ROBO1: variants seen among roughly 807,000 people sequenced by gnomAD.
The protein encoded by ROBO1 is roundabout homolog 1.
Under a neutral mutation model 195.9 loss-of-function variants are expected in ROBO1, and 149 were observed. That is an observed-to-expected ratio of 0.76 (90% CI 0.67 to 0.87). The LOEUF (loss-of-function observed/expected upper bound fraction) is 0.87. Ranked by LOEUF, ROBO1 falls within the 40% of genes least tolerant of loss-of-function variation. The probability of loss-of-function intolerance (pLI) is 0.00; values close to 1 mark genes in which losing one functional copy is unlikely to be tolerated. For missense variants in ROBO1, 1,933 were observed against 2,068.3 expected (o/e 0.93, Z 1.27); for synonymous variants, 816 against 733.2 (o/e 1.11, Z -1.82).
At chr3:78,916,145 G>T (rs2038558602) in intron 4 of ROBO1, among the ~76,000 whole-genome samples, 1 of 151,458 alleles carries the variant, frequency 6.6e-6, no homozygotes, top group Non-Finnish European at 1.5e-5. Context: ...AGCCACTCGG[G>T]AGGCTGAGGC....
intron 4 of ROBO1, among the ~76,000 whole-genome samples, chr3:78,817,896 G>A (rs2030310164): frequency 6.6e-6 from 1 of 152,144 alleles, no homozygotes; most frequent in Non-Finnish European, 1.5e-5. Flanking sequence ...TTAGGTGGAG[G>A]TGTTCTTTAT....
At chr3:79,589,704 G>T in intron 2 of ROBO1, 120 bp downstream of exon 2, 2 of 772,876 alleles carry the variant, frequency 2.6e-6, no homozygotes, top group Non-Finnish European at 2.2e-6. Context: ...CATTCACACA[G>T]ACTTACAAGT....
intron 1 of ROBO1, among the ~76,000 whole-genome samples, chr3:79,618,025 T>C (rs1944882255): frequency 6.6e-6 from 1 of 151,298 alleles, no homozygotes; most frequent in Admixed American, 6.6e-5. Flanking sequence ...AGAAAGAATT[T>C]AAGAGCCTGA....
chr3:79,155,321 G>C (rs764705465), intron 2 of ROBO1, among the ~76,000 whole-genome samples: 2 of 151,672 alleles, frequency 1.3e-5, no homozygotes, highest in Non-Finnish European at 2.9e-5. Context: ...TATTTGGGAA[G>C]TAAAGTAATT....
At chr3:79,590,517 T>G (rs1385999227) in intron 1 of ROBO1, among the ~76,000 whole-genome samples, 3 of 151,794 alleles carry the variant, frequency 2.0e-5, no homozygotes, top group African/African-American at 7.2e-5. Context: ...CATAAGCTAG[T>G]GTCCTTGTAA....
At chr3:79,201,847 T>C (rs2081771123) in intron 2 of ROBO1, among the ~76,000 whole-genome samples, 1 of 150,618 alleles carries the variant, frequency 6.6e-6, no homozygotes, top group Admixed American at 6.7e-5. Context: ...TAATTATTCA[T>C]TGCATAGTAT....
intron 4 of ROBO1, among the ~76,000 whole-genome samples, chr3:78,753,005 T>C (rs1398547511): frequency 6.6e-6 from 1 of 152,158 alleles, no homozygotes; most frequent in Non-Finnish European, 1.5e-5. Flanking sequence ...AACTCTTATG[T>C]CCTAACCTAG....
At chr3:78,921,521 A>G (rs981428690) in intron 4 of ROBO1, among the ~76,000 whole-genome samples, 1 of 152,218 alleles carries the variant, frequency 6.6e-6, no homozygotes, top group Non-Finnish European at 1.5e-5. Flanking sequence ...GTAGTACAGT[A>G]AATGTCCCAA....
chr3:79,286,959 T>G (rs1411801027), intron 2 of ROBO1, among the ~76,000 whole-genome samples: 4 of 152,178 alleles, frequency 2.6e-5, no homozygotes, highest in African/African-American at 9.6e-5. Flanking sequence ...AGACACAAGG[T>G]ACTTTTCCAA....
intron 1 of ROBO1, among the ~76,000 whole-genome samples, chr3:79,755,094 A>G (rs985619237): frequency 5.3e-5 from 8 of 151,958 alleles, no homozygotes; most frequent in Non-Finnish European, 1.2e-4. Flanking sequence ...TGGTCAGGCT[A>G]TTCTTGAGCT....
intron 4 of ROBO1, among the ~76,000 whole-genome samples, chr3:78,798,354 T>A (rs2084249370): frequency 6.6e-6 from 1 of 152,212 alleles, no homozygotes. Flanking sequence ...GTAGAGCAGA[T>A]GCATCAAATA....
At chr3:78,789,405 T>C (rs1358640776) in intron 4 of ROBO1, among the ~76,000 whole-genome samples, 1 of 152,208 alleles carries the variant, frequency 6.6e-6, no homozygotes, top group Non-Finnish European at 1.5e-5. Flanking sequence ...TGAGGACTTT[T>C]CCATAATCTC....
intron 3 of ROBO1, among the ~76,000 whole-genome samples, chr3:79,090,885 C>T (rs985107141): frequency 6.6e-6 from 1 of 152,090 alleles, no homozygotes; most frequent in Non-Finnish European, 1.5e-5. Flanking sequence ...TTAAATTCTG[C>T]TTTACATTTC....
intron 2 of ROBO1, among the ~76,000 whole-genome samples, chr3:79,191,286 T>C (rs915450591): frequency 1.3e-4 from 19 of 151,404 alleles, no homozygotes; most frequent in African/African-American, 4.6e-4. Context: ...AGGCATACCA[T>C]CATATTATGT....
chr3:79,026,320 G>A (rs1421205295), intron 3 of ROBO1, among the ~76,000 whole-genome samples: 2 of 151,958 alleles, frequency 1.3e-5, no homozygotes, highest in African/African-American at 4.8e-5. Context: ...GAACTGTGAG[G>A]TGCAAATAAA....
At chr3:78,697,476 C>T (rs2081326539) in intron 8 of ROBO1, among the ~76,000 whole-genome samples, 1 of 152,062 alleles carries the variant, frequency 6.6e-6, no homozygotes, top group Non-Finnish European at 1.5e-5. Flanking sequence ...AGTACCGGGA[C>T]CAGCCAATTT....
chr3:78,879,505 T>C (rs961267359), intron 4 of ROBO1, among the ~76,000 whole-genome samples: 2 of 150,588 alleles, frequency 1.3e-5, no homozygotes, highest in Non-Finnish European at 3.0e-5. Context: ...ATGAACATCA[T>C]TACCACATGC....
chr3:79,708,924 A>G (rs933535420), intron 1 of ROBO1, among the ~76,000 whole-genome samples: 1 of 152,150 alleles, frequency 6.6e-6, no homozygotes, highest in African/African-American at 2.4e-5. Context: ...ATTTAAACTC[A>G]TGGGGTTTTT....
intron 1 of ROBO1, among the ~76,000 whole-genome samples, chr3:79,741,067 G>A (rs1436269363): frequency 6.6e-6 from 1 of 152,142 alleles, no homozygotes; most frequent in African/African-American, 2.4e-5. Context: ...TTTTGCCAAG[G>A]AAATATTGGA....
Sources: gnomAD v4.1 joint callset for allele counts (sites outside exome capture counted in the v4.1 genomes callset) on GRCh38, gnomAD v4.1.1 for gene constraint, MANE v1.5 for transcripts, NCBI Gene and HGNC (gene_info 2026-07-23, HGNC 2026-07-21) for gene names.